SCRG1: variants seen among roughly 807,000 people sequenced by gnomAD.
SCRG1 encodes the protein stimulator of chondrogenesis 1.
Under a neutral mutation model 7.7 loss-of-function variants are expected in SCRG1, and 3 were observed. The ratio of observed to expected loss-of-function variants is 0.39; its 90% confidence interval spans 0.18 to 1.01. The LOEUF (loss-of-function observed/expected upper bound fraction) is 1.01. SCRG1 is among the 50% of genes least tolerant of loss of function. The pLI, the probability that SCRG1 is intolerant of heterozygous loss-of-function variation, is 0.36. For missense variants in SCRG1, 110 were observed against 117.2 expected, an observed-to-expected ratio of 0.94 and a Z score of 0.28; for synonymous variants, 46 against 41.2, an observed-to-expected ratio of 1.12 and a Z score of -0.44.
At chr4:173,465,190 A>C in the SCRG1 span, among the ~76,000 whole-genome samples, 2 of 152,214 alleles carry the variant, frequency 1.3e-5, no homozygotes, top group South Asian at 4.1e-4. Context: ...CAACAATATG[A>C]GTGGACTTAA....
At chr4:173,449,435 CT>C in the SCRG1 span, among the ~76,000 whole-genome samples, 5,731 of 115,608 alleles carry the variant, frequency 0.05, 227 homozygotes, top group African/African-American at 0.14. Flanking sequence ...CATGATAAAT[CT>C]TTTTTTTTTT....
the SCRG1 span, among the ~76,000 whole-genome samples, chr4:173,459,916 T>A: frequency 6.0e-5 from 9 of 150,844 alleles, no homozygotes; most frequent in African/African-American, 2.2e-4. Flanking sequence ...AAAAAAAAAA[T>A]ACATGTGTGA....
chr4:173,503,608 A>C, the SCRG1 span, among the ~76,000 whole-genome samples: 1 of 152,206 alleles, frequency 6.6e-6, no homozygotes, highest in Non-Finnish European at 1.5e-5. The surrounding 1 kb of genome is among the most constrained non-coding windows in gnomAD (Gnocchi z 6.4). Flanking sequence ...CGAAGACACA[A>C]ACACACAGCA....
At chr4:173,465,780 C>T in the SCRG1 span, among the ~76,000 whole-genome samples, 51 of 152,028 alleles carry the variant, frequency 3.4e-4, no homozygotes, top group African/African-American at 1.0e-3. Context: ...TTCCTCCCTC[C>T]GCTTCCCCCT....
At chr4:173,460,070 A>G in the SCRG1 span, among the ~76,000 whole-genome samples, 2 of 152,200 alleles carry the variant, frequency 1.3e-5, no homozygotes, top group South Asian at 4.1e-4. Context: ...ACCGCCCTGC[A>G]AGGACACCAA....
At chr4:173,514,725 C>T in the SCRG1 span, among the ~76,000 whole-genome samples, 1 of 152,132 alleles carries the variant, frequency 6.6e-6, no homozygotes, top group Admixed American at 6.5e-5. Context: ...TGCAAATAAA[C>T]AAACAAACTC....
At chr4:173,500,472 T>TTGTGTGTGTG in the SCRG1 span, among the ~76,000 whole-genome samples, 2 of 150,122 alleles carry the variant, frequency 1.3e-5, no homozygotes, top group Non-Finnish European at 3.0e-5. Flanking sequence ...TTAGTAAATT[T>TTGTGTGTGTG]TGTGTGTGTG....
At chr4:173,483,140 T>G in the SCRG1 span, among the ~76,000 whole-genome samples, 1 of 71,604 alleles carries the variant, frequency 1.4e-5, no homozygotes, top group Admixed American at 2.3e-4. Flanking sequence ...ATTTTATATA[T>G]GAAATATACA....
the SCRG1 span, among the ~76,000 whole-genome samples, chr4:173,507,095 C>G: frequency 4.6e-5 from 7 of 152,242 alleles, no homozygotes; most frequent in African/African-American, 7.2e-5. The surrounding 1 kb of genome is among the most constrained non-coding windows in gnomAD (Gnocchi z 4.4). Context: ...CAAATTGCCA[C>G]TCATCCGGTC....
the SCRG1 span, among the ~76,000 whole-genome samples, chr4:173,439,824 G>A: frequency 1.3e-5 from 2 of 152,136 alleles, no homozygotes; most frequent in Admixed American, 1.3e-4. Flanking sequence ...ATACTTGAGG[G>A]ACTTGAGGGA....
the SCRG1 span, among the ~76,000 whole-genome samples, chr4:173,461,089 G>C: frequency 6.6e-6 from 1 of 152,198 alleles, no homozygotes; most frequent in Non-Finnish European, 1.5e-5. Context: ...AGGTTTTTCA[G>C]TCTAGTTCCT....
At chr4:173,395,514 T>C (rs1434928928) in intron 1 of SCRG1, among the ~76,000 whole-genome samples, 1 of 152,226 alleles carries the variant, frequency 6.6e-6, no homozygotes, top group East Asian at 1.9e-4. Flanking sequence ...ATCCTATGTA[T>C]GTGTCTCTGC....
At chr4:173,508,006 G>C in the SCRG1 span, among the ~76,000 whole-genome samples, 1 of 152,186 alleles carries the variant, frequency 6.6e-6, no homozygotes, top group Non-Finnish European at 1.5e-5. This position sits in a 1 kb window ranked among gnomAD's most constrained non-coding sequence, Gnocchi z 4.4. Context: ...ATGTCGGGGA[G>C]GGGGAGATGG....
At chr4:173,429,253 A>G in the SCRG1 span, among the ~76,000 whole-genome samples, 1 of 151,922 alleles carries the variant, frequency 6.6e-6, no homozygotes, top group Non-Finnish European at 1.5e-5. Flanking sequence ...TCTAGTAAGA[A>G]ACCATTCTTG....
the SCRG1 span, among the ~76,000 whole-genome samples, chr4:173,443,395 C>T: frequency 1.3e-5 from 2 of 152,182 alleles, no homozygotes; most frequent in African/African-American, 4.8e-5. Flanking sequence ...GCCTGTAATA[C>T]TGTAATAGTG....
chr4:173,481,672 C>T, the SCRG1 span, among the ~76,000 whole-genome samples: 15 of 152,154 alleles, frequency 9.9e-5, no homozygotes, highest in African/African-American at 2.9e-4. Flanking sequence ...GAAGAGGACA[C>T]GGATGAAGAC....
At chr4:173,401,524 T>C (rs1192493996), upstream of SCRG1, among the ~76,000 whole-genome samples, 1 of 152,234 alleles carries the variant, frequency 6.6e-6, no homozygotes, top group Non-Finnish European at 1.5e-5. Context: ...TCTAATTCTG[T>C]CTAAATTTCC....
the SCRG1 span, among the ~76,000 whole-genome samples, chr4:173,443,943 T>TGTGTG: frequency 7.2e-6 from 1 of 138,696 alleles, no homozygotes; most frequent in Non-Finnish European, 1.6e-5. Context: ...AGAGCTTGTT[T>TGTGTG]TGTGTGTGTG....
chr4:173,406,553 T>C (rs567452163), upstream of SCRG1, among the ~76,000 whole-genome samples: 20 of 152,344 alleles, frequency 1.3e-4, no homozygotes, highest in South Asian at 1.2e-3. Flanking sequence ...ACATAGTGTC[T>C]TGTACATACC....
Sources: gnomAD v4.1 joint callset for allele counts (sites outside exome capture counted in the v4.1 genomes callset) on GRCh38, gnomAD v4.1.1 for gene constraint, Gnocchi (gnomAD v3.1) non-coding constraint, MANE v1.5 for transcripts, NCBI Gene and HGNC (gene_info 2026-07-23, HGNC 2026-07-21) for gene names.